Variants in SYTL5 observed in about 807,000 individuals in gnomAD.
The protein encoded by SYTL5 is synaptotagmin-like protein 5.
Under a neutral mutation model 55.9 loss-of-function variants are expected in SYTL5, and 34 were observed. The ratio of observed to expected loss-of-function variants is 0.61; its 90% confidence interval spans 0.46 to 0.81. The LOEUF is 0.81. Ranked by LOEUF, SYTL5 falls within the 30% of genes least tolerant of loss-of-function variation. The probability of loss-of-function intolerance (pLI) is 0.00; values close to 1 mark genes in which losing one functional copy is unlikely to be tolerated. For synonymous variants in SYTL5, 221 were observed against 188.7 expected (o/e 1.17, Z -1.40); for missense variants, 637 against 546.7 (o/e 1.17, Z -1.65).
intron 1 of SYTL5, among the ~76,000 whole-genome samples, chrX:38,011,352 C>G (rs1010290888): frequency 8.9e-6 from 1 of 111,860 alleles, no homozygotes; most frequent in East Asian, 2.8e-4. Flanking sequence ...ATACTGCTGG[C>G]CGGGCGCGGT....
At chrX:38,114,526 A>G (rs56843466) in intron 13 of SYTL5, among the ~76,000 whole-genome samples, 30,678 of 110,656 alleles carry the variant, frequency 0.28, 3,964 homozygotes, top group African/African-American at 0.48. Context: ...CACACACAAT[A>G]TATTTCTTTT....
chrX:38,121,242 C>T (rs1258470404), intron 14 of SYTL5, among the ~76,000 whole-genome samples: 1 of 111,948 alleles, frequency 8.9e-6, no homozygotes, highest in Non-Finnish European at 1.9e-5. Context: ...CCAATCACCT[C>T]GCACCAGGCC....
the SYTL5 span, among the ~76,000 whole-genome samples, chrX:37,966,436 CT>C: frequency 0.012 from 961 of 78,088 alleles, 5 homozygotes; most frequent in African/African-American, 0.044. Context: ...TTTTCTTTTT[CT>C]TTTTTTTTTT....
chrX:37,950,527 A>G, the SYTL5 span, among the ~76,000 whole-genome samples: 1 of 111,387 alleles, frequency 9.0e-6, no homozygotes, highest in Non-Finnish European at 1.9e-5. Context: ...GGTTTGATAT[A>G]TGCTTTCAGT....
At chrX:37,980,665 C>T in the SYTL5 span, among the ~76,000 whole-genome samples, 1 of 111,981 alleles carries the variant, frequency 8.9e-6, no homozygotes. Flanking sequence ...AGGGTTCCTT[C>T]TCCCTCCAGT....
chrX:38,011,633 C>CAA (rs61594168), intron 1 of SYTL5, among the ~76,000 whole-genome samples: 9,810 of 92,411 alleles, frequency 0.11, 662 homozygotes, highest in African/African-American at 0.22. Flanking sequence ...GACTCCGTCT[C>CAA]AAAAAAAAAA....
chrX:37,903,666 G>A, the SYTL5 span, among the ~76,000 whole-genome samples: 1 of 109,891 alleles, frequency 9.1e-6, no homozygotes, highest in East Asian at 2.9e-4. Flanking sequence ...AAACCTGCAC[G>A]TTGTGCACAT....
At chrX:38,011,933 G>C (rs1934206027) in intron 1 of SYTL5, among the ~76,000 whole-genome samples, 1 of 110,178 alleles carries the variant, frequency 9.1e-6, no homozygotes. Context: ...AACTTAATAG[G>C]CTTTTAGTTC....
intron 2 of SYTL5, among the ~76,000 whole-genome samples, chrX:38,038,092 T>A (rs1325913240): frequency 9.0e-6 from 1 of 111,664 alleles, no homozygotes; most frequent in East Asian, 2.8e-4. Flanking sequence ...ACGAGGTACA[T>A]CCATATTGGG....
At chrX:38,043,876 A>C (rs949326556) in intron 2 of SYTL5, among the ~76,000 whole-genome samples, 1 of 108,210 alleles carries the variant, frequency 9.2e-6, no homozygotes, top group Non-Finnish European at 1.9e-5. Flanking sequence ...AGATTTTTCC[A>C]TATAACATGA....
intron 13 of SYTL5, among the ~76,000 whole-genome samples, chrX:38,118,958 T>TATATATATATATGTACGCATATAC (rs1937537886): frequency 9.6e-6 from 1 of 103,639 alleles, no homozygotes; most frequent in African/African-American, 3.5e-5. Flanking sequence ...TATACATATA[T>TATATATATATATGTACGCATATAC]ATATATATAT....
chrX:38,118,920 A>AATATATATATATATATATAT (rs61288420), intron 13 of SYTL5, among the ~76,000 whole-genome samples: 56 of 88,977 alleles, frequency 6.3e-4, no homozygotes, highest in African/African-American at 2.4e-3. Context: ...ATGCCCAGCT[A>AATATATATATATATATATAT]ATATATATAT....
the SYTL5 span, among the ~76,000 whole-genome samples, chrX:37,948,860 T>C: frequency 8.9e-6 from 1 of 111,867 alleles, no homozygotes; most frequent in East Asian, 2.8e-4. Context: ...AGTTTCGCTA[T>C]TGTGAATAAT....
chrX:38,024,067 C>T (rs189968606), intron 1 of SYTL5: 2 of 110,694 alleles, frequency 1.8e-5, no homozygotes, highest in Non-Finnish European at 3.8e-5. Context: ...AAATATTTAA[C>T]TTGGTTTAAC....
chrX:37,984,766 A>T, the SYTL5 span, among the ~76,000 whole-genome samples: 1 of 111,161 alleles, frequency 9.0e-6, no homozygotes, highest in African/African-American at 3.3e-5. Context: ...ATCCAGCAAC[A>T]TATAAAAAGA....
chrX:38,020,419 A>G (rs1377928580), intron 1 of SYTL5, among the ~76,000 whole-genome samples: 1 of 74,771 alleles, frequency 1.3e-5, no homozygotes, highest in Non-Finnish European at 2.4e-5. Context: ...ATATATATAT[A>G]TATATATATA....
Position 38,054,421 on chromosome X carries a change from G to A in SYTL5, c.328G>A (p.Ala110Thr), listed in dbSNP as rs145581759. The change falls in exon 3 of 17, where the codon GCG becomes ACG. Residue 110 changes from alanine (A) to threonine (T), a missense_variant and splice_region_variant. Ala to Thr is a moderately conservative substitution (Grantham distance 58, BLOSUM62 0). Coordinates refer to ENST00000297875, the MANE Select transcript of SYTL5 (RefSeq NM_138780.3). ...SWKCTVCDKI[A>T]QLRIITGEWF... ...GAAGTGCACTGTCTGTGACAAAATC[G>A]CGTGAGTTTCTTGATTTTTCATGGA... is the stretch of plus-strand genomic sequence containing the variant. The A allele has an allele frequency of 3.9e-5, 47 of 1,204,931 alleles. No individual in the cohort carries two copies. Among genetic ancestry groups the A allele is most frequent in the South Asian group, 2.3e-4 (13 of 56,471 alleles).
At chrX:37,966,883 T>A in the SYTL5 span, among the ~76,000 whole-genome samples, 9 of 112,420 alleles carry the variant, frequency 8.0e-5, no homozygotes, top group Non-Finnish European at 1.5e-4. Context: ...TTTATGCTTC[T>A]GTATGCTTTC....
intron 2 of SYTL5, among the ~76,000 whole-genome samples, chrX:38,047,601 A>G (rs1017266708): frequency 1.9e-4 from 21 of 112,765 alleles, no homozygotes; most frequent in African/African-American, 6.8e-4. Flanking sequence ...CCTTGGAGAC[A>G]TTTCCTGCAT....
Sources: allele counts gnomAD v4.1 joint callset (sites outside exome capture counted in the v4.1 genomes callset), GRCh38; gene constraint gnomAD v4.1.1; transcripts MANE v1.5; gene names NCBI Gene and HGNC (gene_info 2026-07-23, HGNC 2026-07-21).